The following NLGN1 variants were observed in gnomAD, a reference collection of about 807,000 sequenced individuals.
The protein encoded by NLGN1 is neuroligin-1.
A neutral mutation model predicts 65.5 loss-of-function variants in NLGN1; 12 were observed. That is an observed-to-expected ratio of 0.18 (90% CI 0.12 to 0.30). The LOEUF (loss-of-function observed/expected upper bound fraction) is 0.30. Ranked by LOEUF, NLGN1 falls within the 10% of genes least tolerant of loss-of-function variation. The pLI is 1.00. For synonymous variants in NLGN1, 350 were observed against 359.5 expected (o/e 0.97, Z 0.30); for missense variants, 750 against 1,007.1 (o/e 0.74, Z 3.46).
intron 2 of NLGN1, among the ~76,000 whole-genome samples, chr3:173,466,237 C>A (rs1724333897): frequency 6.6e-6 from 1 of 152,058 alleles, no homozygotes; most frequent in Admixed American, 6.6e-5. Context: ...AGCTGTGGAG[C>A]CTGAGATCTG....
chr3:173,940,083 T>A (rs1281091291), intron 4 of NLGN1, among the ~76,000 whole-genome samples: 1 of 126,304 alleles, frequency 7.9e-6, no homozygotes, highest in African/African-American at 3.3e-5. Flanking sequence ...GTTATAGCTT[T>A]TTTTTTTTTT....
chr3:173,545,052 G>A (rs1221343532), intron 2 of NLGN1, among the ~76,000 whole-genome samples: 2 of 143,912 alleles, frequency 1.4e-5, no homozygotes. Context: ...GTGTGTGTGT[G>A]TGTGGTTGTT....
At chr3:174,098,336 GA>G (rs942140546) in intron 4 of NLGN1, among the ~76,000 whole-genome samples, 26 of 150,790 alleles carry the variant, frequency 1.7e-4, no homozygotes, top group African/African-American at 3.7e-4. Flanking sequence ...ACAACAAAAG[GA>G]AAAAAAAATT....
rs75100433 is a variant in NLGN1, at chr3:173,407,413, C to G, written c.-390+8926C>G. On this transcript the variant is annotated intron_variant, in intron 1 of 6. Coordinates refer to ENST00000457714, the Ensembl canonical transcript of NLGN1. ...TTTGCTTGTTTATGCAATGGTAGAG[C>G]TGGAACCTGATCTTCACATAATGCC... Among the ~76,000 whole-genome samples, 401 of 152,224 alleles carry G rather than the reference C, an allele frequency of 2.6e-3. 3 individuals carry two copies. The South Asian group carries it at 0.034, about 13-fold the overall frequency.
At chr3:173,520,856 A>T (rs973818085) in intron 2 of NLGN1, among the ~76,000 whole-genome samples, 1 of 152,224 alleles carries the variant, frequency 6.6e-6, no homozygotes, top group Non-Finnish European at 1.5e-5. Flanking sequence ...ATTATTGAAT[A>T]CAATAGATGA....
At chr3:173,806,332 A>G (rs536709574) in intron 3 of NLGN1, among the ~76,000 whole-genome samples, 1 of 152,216 alleles carries the variant, frequency 6.6e-6, no homozygotes, top group East Asian at 1.9e-4. Context: ...AGCAATCTCT[A>G]AGTAATCACT....
chr3:173,967,774 C>T (rs879926594), intron 4 of NLGN1, among the ~76,000 whole-genome samples: 7 of 152,074 alleles, frequency 4.6e-5, no homozygotes, highest in Non-Finnish European at 7.4e-5. Context: ...AGCTAAGAAA[C>T]AAATAAGAAG....
intron 4 of NLGN1, among the ~76,000 whole-genome samples, chr3:173,915,471 A>G (rs1740542962): frequency 6.6e-6 from 1 of 152,234 alleles, no homozygotes; most frequent in Non-Finnish European, 1.5e-5. Context: ...TTGCTCTTGA[A>G]TAATATCCAA....
intron 3 of NLGN1, among the ~76,000 whole-genome samples, chr3:173,607,962 A>G (rs575867840): frequency 2.6e-5 from 4 of 151,766 alleles, no homozygotes; most frequent in Non-Finnish European, 5.9e-5. Context: ...GTACTCTATA[A>G]TCTGTGCATA....
At chr3:173,719,686 A>G (rs9856236) in intron 3 of NLGN1, among the ~76,000 whole-genome samples, 83,531 of 152,128 alleles carry the variant, frequency 0.55, 24,461 homozygotes, top group East Asian at 0.75. Context: ...TACTGACACT[A>G]TGCTGGAGAC....
chr3:174,197,780 G>GTGTGTGTGTA (rs1217572380), intron 4 of NLGN1, among the ~76,000 whole-genome samples: 3 of 150,224 alleles, frequency 2.0e-5, no homozygotes, highest in Non-Finnish European at 4.4e-5. Context: ...GTGTGTGTAT[G>GTGTGTGTGTA]TAGATAAGTT....
chr3:174,188,312 G>A (rs1293071661), intron 4 of NLGN1, among the ~76,000 whole-genome samples: 2 of 152,036 alleles, frequency 1.3e-5, no homozygotes, highest in South Asian at 4.2e-4. Context: ...TGCTCACCTA[G>A]AATGTTTAGA....
chr3:173,577,942 A>ATTCT (rs1745773932), intron 2 of NLGN1, among the ~76,000 whole-genome samples: 1 of 152,186 alleles, frequency 6.6e-6, no homozygotes, highest in Non-Finnish European at 1.5e-5. Flanking sequence ...TTCCTTTAGA[A>ATTCT]GATGTCATTT....
At chr3:173,786,362 C>T (rs774279713) in intron 3 of NLGN1, among the ~76,000 whole-genome samples, 2 of 151,988 alleles carry the variant, frequency 1.3e-5, no homozygotes, top group African/African-American at 2.4e-5. Context: ...TTTCTGTGAT[C>T]TTGTTCTCAT....
At chr3:173,739,958 C>G (rs1774379699) in intron 3 of NLGN1, among the ~76,000 whole-genome samples, 1 of 152,082 alleles carries the variant, frequency 6.6e-6, no homozygotes. Flanking sequence ...TCCTAACAGA[C>G]AGTTTAAACT....
At position 173,481,383 on chromosome 3, in the gene NLGN1, C is replaced by T. The variant is rs112822822; in HGVS notation, c.-321+46305C>T. ...ATAAACTGCAATGCAGAACTAATAACGATTATTCATTTTGGTCTACTTCCT... is the reference window on the plus strand; with the variant it reads ...ATAAACTGCAATGCAGAACTAATAATGATTATTCATTTTGGTCTACTTCCT... On this transcript the variant is annotated intron_variant, in intron 2 of 6. Coordinates refer to ENST00000457714, the Ensembl canonical transcript of NLGN1. Among the ~76,000 whole-genome samples the T allele has an allele frequency of 2.8e-3, 418 of 151,924 alleles. 2 individuals carry two copies. The highest frequency in any genetic ancestry group is 9.0e-3 in the African/African-American group (375 of 41,520).
At chr3:173,717,431 A>T (rs2149982679) in intron 3 of NLGN1, among the ~76,000 whole-genome samples, 1 of 152,268 alleles carries the variant, frequency 6.6e-6, no homozygotes, top group African/African-American at 2.4e-5. Flanking sequence ...TTGGAAACTA[A>T]AGGTGTTGAT....
Position 174,156,689 on chromosome 3 carries a change from GTT to G in NLGN1, c.647-118624_647-118623del, listed in dbSNP as rs1725504874. 2.0e-5 allele frequency among the ~76,000 whole-genome samples: 3 copies of G among 151,692 alleles called. No individual in the cohort carries two copies. In the South Asian group the frequency reaches 6.2e-4, roughly 31 times the overall value. On this transcript the variant is annotated intron_variant, in intron 4 of 6. Transcript: ENST00000457714. Reference sequence around the variant, plus strand: ...CTTCATATTTAAGAGGTAAAGTACAGTTTGTAGTGTGCAAATCTGAAAAAGTA... The same window carrying G: ...CTTCATATTTAAGAGGTAAAGTACAGTGTAGTGTGCAAATCTGAAAAAGTA...
intron 2 of NLGN1, among the ~76,000 whole-genome samples, chr3:173,488,931 T>A (rs1576935059): frequency 6.6e-6 from 1 of 151,904 alleles, no homozygotes; most frequent in Middle Eastern, 3.4e-3. Context: ...ATCTCTTTAT[T>A]TCTCTACATT....
Sources: allele counts gnomAD v4.1 joint callset (sites outside exome capture counted in the v4.1 genomes callset), GRCh38; gene constraint gnomAD v4.1.1; transcripts MANE v1.5; gene names NCBI Gene and HGNC (gene_info 2026-07-23, HGNC 2026-07-21).